The following TMEM135 variants were observed in gnomAD, a reference collection of about 807,000 sequenced individuals.
TMEM135 encodes the protein transmembrane protein 135.
TMEM135 carries 30 observed loss-of-function variants against 60.3 expected under a neutral mutation model. That is an observed-to-expected ratio of 0.50 (90% CI 0.37 to 0.68). The LOEUF is 0.68. Ranked by LOEUF, TMEM135 falls within the 30% of genes least tolerant of loss-of-function variation. The pLI is 0.00. For missense variants in TMEM135, 468 were observed against 548.8 expected (o/e 0.85, Z 1.47); for synonymous variants, 190 against 186.7 (o/e 1.02, Z -0.14).
chr11:87,279,861 C>T (rs1408090288), intron 6 of TMEM135, among the ~76,000 whole-genome samples: 1 of 152,170 alleles, frequency 6.6e-6, no homozygotes, highest in African/African-American at 2.4e-5. Flanking sequence ...AATGAGGTTA[C>T]TCTTTGTGTC....
chr11:87,097,052 G>A (rs2512326), intron 4 of TMEM135, among the ~76,000 whole-genome samples: 82,306 of 150,582 alleles, frequency 0.55, 23,287 homozygotes, highest in East Asian at 0.7. Flanking sequence ...GCTGGAGTGC[G>A]GCGGCATGAT....
At chr11:87,250,355 A>G (rs1565502962) in intron 6 of TMEM135, among the ~76,000 whole-genome samples, 1 of 151,816 alleles carries the variant, frequency 6.6e-6, no homozygotes. Context: ...TTGCTTTTCT[A>G]GTTCTTTAAG....
At chr11:87,190,581 T>G (rs1475820500) in intron 5 of TMEM135, among the ~76,000 whole-genome samples, 1 of 152,124 alleles carries the variant, frequency 6.6e-6, no homozygotes, top group African/African-American at 2.4e-5. Flanking sequence ...AAAAAAAACT[T>G]TAAAGTGCTA....
chr11:87,205,351 T>C (rs1208967326), intron 5 of TMEM135, among the ~76,000 whole-genome samples: 2 of 152,186 alleles, frequency 1.3e-5, no homozygotes, highest in Non-Finnish European at 2.9e-5. Flanking sequence ...CTGTAGATAC[T>C]TGAGTAAGCA....
chr11:87,302,101 AT>A (rs1942458459), intron 7 of TMEM135, among the ~76,000 whole-genome samples, 194 bp from the exon 8 acceptor site: 1 of 151,968 alleles, frequency 6.6e-6, no homozygotes, highest in Non-Finnish European at 1.5e-5. Flanking sequence ...ATGACTATTA[AT>A]TTTTTTTGAG....
intron 5 of TMEM135, among the ~76,000 whole-genome samples, chr11:87,199,800 C>T (rs665234): frequency 0.13 from 19,990 of 151,998 alleles, 1,370 homozygotes; most frequent in Non-Finnish European, 0.15. Flanking sequence ...CGTGGTGGCA[C>T]GCGCCTGTAA....
intron 4 of TMEM135, among the ~76,000 whole-genome samples, chr11:87,152,959 T>G (rs1399435719): frequency 6.6e-6 from 1 of 152,176 alleles, no homozygotes; most frequent in Non-Finnish European, 1.5e-5. Flanking sequence ...TTAGGCATCT[T>G]TTTTTATGCA....
intron 8 of TMEM135, among the ~76,000 whole-genome samples, chr11:87,303,674 A>AT (rs1942486215): frequency 6.6e-6 from 1 of 152,222 alleles, no homozygotes; most frequent in Non-Finnish European, 1.5e-5. Flanking sequence ...GAATTTAAAG[A>AT]TTTTGTCTTC....
At chr11:87,280,357 C>T (rs946001251) in intron 6 of TMEM135, among the ~76,000 whole-genome samples, 1 of 152,144 alleles carries the variant, frequency 6.6e-6, no homozygotes, top group African/African-American at 2.4e-5. Context: ...AGTAGCAGGA[C>T]CTTTTGCTTT....
intron 5 of TMEM135, among the ~76,000 whole-genome samples, chr11:87,212,937 G>C (rs1468140331): frequency 6.6e-6 from 1 of 151,444 alleles, no homozygotes; most frequent in Non-Finnish European, 1.5e-5. Context: ...TTACAAATTA[G>C]TAATTACTAA....
At chr11:87,126,142 G>GA (rs34601982) in intron 4 of TMEM135, among the ~76,000 whole-genome samples, 72,404 of 151,828 alleles carry the variant, frequency 0.48, 17,545 homozygotes, top group East Asian at 0.67. Context: ...AAAGTGTTGG[G>GA]TTATGGGCTT....
intron 4 of TMEM135, among the ~76,000 whole-genome samples, chr11:87,102,692 G>A (rs1026667934): frequency 4.4e-5 from 4 of 90,368 alleles, no homozygotes; most frequent in East Asian, 3.9e-4. Flanking sequence ...ATATGTGTGT[G>A]TATATATATA....
At chr11:87,155,376 C>A (rs1006175145) in intron 4 of TMEM135, among the ~76,000 whole-genome samples, 5 of 152,100 alleles carry the variant, frequency 3.3e-5, no homozygotes, top group African/African-American at 1.2e-4. Context: ...TAAAGCTTTC[C>A]CCTTATGTTT....
intron 6 of TMEM135, among the ~76,000 whole-genome samples, chr11:87,272,144 C>A (rs1274013889): frequency 1.3e-5 from 2 of 150,340 alleles, no homozygotes; most frequent in Non-Finnish European, 3.0e-5. Flanking sequence ...ACCTCCCCCT[C>A]CCTGGTTCCA....
intron 5 of TMEM135, among the ~76,000 whole-genome samples, chr11:87,158,710 C>T (rs984855954): frequency 5.3e-5 from 8 of 152,112 alleles, no homozygotes; most frequent in South Asian, 4.1e-4. Flanking sequence ...GTACTCCGCC[C>T]GTCTTGGCCT....
At chr11:87,097,988 TG>T (rs1408956569) in intron 4 of TMEM135, among the ~76,000 whole-genome samples, 1 of 152,224 alleles carries the variant, frequency 6.6e-6, no homozygotes, top group African/African-American at 2.4e-5. Context: ...CTTCCCACCT[TG>T]GAATTTAAGC....
At chr11:87,149,406 AGG>A (rs1190732806) in intron 4 of TMEM135, among the ~76,000 whole-genome samples, 1 of 152,082 alleles carries the variant, frequency 6.6e-6, no homozygotes, top group African/African-American at 2.4e-5. Context: ...TAATTCAGAG[AGG>A]GAGAGGGAAG....
At chr11:87,261,863 A>T (rs755465928) in intron 6 of TMEM135, among the ~76,000 whole-genome samples, 51 of 152,300 alleles carry the variant, frequency 3.3e-4, no homozygotes, top group Non-Finnish European at 6.3e-4. Context: ...GGGTTCAAGG[A>T]ATCGGCCTGC....
intron 1 of TMEM135, among the ~76,000 whole-genome samples, chr11:87,044,755 C>A (rs1949779941): frequency 6.6e-6 from 1 of 151,770 alleles, no homozygotes; most frequent in African/African-American, 2.4e-5. Flanking sequence ...GGGTCACGCC[C>A]TTCTCCTGCC....
Sources: gnomAD v4.1 joint callset for allele counts (sites outside exome capture counted in the v4.1 genomes callset) on GRCh38, gnomAD v4.1.1 for gene constraint, MANE v1.5 for transcripts, NCBI Gene and HGNC (gene_info 2026-07-23, HGNC 2026-07-21) for gene names.